SLC39A11: variants seen among roughly 807,000 people sequenced by gnomAD.
The protein encoded by SLC39A11 is solute carrier family 39 member 11.
Under a neutral mutation model 36.1 loss-of-function variants are expected in SLC39A11, and 33 were observed. That is an observed-to-expected ratio of 0.91 (90% confidence interval 0.69 to 1.22). The LOEUF (loss-of-function observed/expected upper bound fraction) is 1.22, where lower values mean the gene tolerates loss of function less well. Among genes scored for constraint, SLC39A11 ranks in the 50% most tolerant of loss-of-function variants. The probability of loss-of-function intolerance (pLI) is 0.00; values close to 1 mark genes in which losing one functional copy is unlikely to be tolerated. For missense variants in SLC39A11, 432 were observed against 430.3 expected, an observed-to-expected ratio of 1.00 and a Z score of -0.03; for synonymous variants, 166 against 170.3, an observed-to-expected ratio of 0.97 and a Z score of 0.20.
chr17:72,976,463 A>G (rs7210012), intron 4 of SLC39A11, among the ~76,000 whole-genome samples: 150,571 of 152,338 alleles, frequency 0.99, 74,438 homozygotes, highest in East Asian at 1. Context: ...TGATAACTGA[A>G]ATGTTAGAGA....
intron 5 of SLC39A11, among the ~76,000 whole-genome samples, chr17:72,910,926 C>CAA (rs199741291): frequency 8.6e-4 from 96 of 111,652 alleles, no homozygotes; most frequent in East Asian, 1.3e-3. Flanking sequence ...GACTCCACCT[C>CAA]AAAAAAAAAA....
intron 7 of SLC39A11, among the ~76,000 whole-genome samples, chr17:72,677,549 C>A (rs1483018703): frequency 6.6e-6 from 1 of 151,230 alleles, no homozygotes; most frequent in Non-Finnish European, 1.5e-5. Context: ...ACGCGGCCAT[C>A]TTTAAATGGC....
chr17:72,996,312 C>A (rs968494977), intron 4 of SLC39A11, among the ~76,000 whole-genome samples: 6 of 152,164 alleles, frequency 3.9e-5, no homozygotes, highest in African/African-American at 1.4e-4. Context: ...CCACGTTCTT[C>A]CCATGGCCTT....
intron 7 of SLC39A11, among the ~76,000 whole-genome samples, chr17:72,653,577 T>C (rs1394886891): frequency 6.6e-6 from 1 of 151,924 alleles, no homozygotes; most frequent in Non-Finnish European, 1.5e-5. Context: ...GTAGCTGGGA[T>C]TACAAGTGCC....
At chr17:72,842,078 A>ACGTGTGTG (rs111770368) in intron 6 of SLC39A11, among the ~76,000 whole-genome samples, 3 of 148,782 alleles carry the variant, frequency 2.0e-5, no homozygotes, top group Non-Finnish European at 3.0e-5. Flanking sequence ...TCAAAAAACT[A>ACGTGTGTG]TGTGTGTGTG....
intron 6 of SLC39A11, among the ~76,000 whole-genome samples, chr17:72,787,744 A>G (rs1028659252): frequency 6.6e-6 from 1 of 152,176 alleles, no homozygotes; most frequent in South Asian, 2.1e-4. Context: ...AAAATCTGAC[A>G]TTGTCTAGCT....
intron 5 of SLC39A11, among the ~76,000 whole-genome samples, chr17:72,919,730 G>C (rs1344822697): frequency 6.7e-6 from 1 of 150,276 alleles, no homozygotes; most frequent in Non-Finnish European, 1.5e-5. Flanking sequence ...AGAACCCTCT[G>C]CCTGTGATGA....
chr17:72,877,832 A>AT (rs2080991490), intron 5 of SLC39A11, among the ~76,000 whole-genome samples: 1 of 151,208 alleles, frequency 6.6e-6, no homozygotes, highest in Non-Finnish European at 1.5e-5. Flanking sequence ...TATTATTATT[A>AT]TTATACTTTA....
intron 5 of SLC39A11, among the ~76,000 whole-genome samples, chr17:72,853,913 G>A (rs1449780191): frequency 1.3e-5 from 2 of 152,140 alleles, no homozygotes; most frequent in Non-Finnish European, 2.9e-5. Context: ...TGTGGGATGT[G>A]AGGGTGTGCC....
chr17:72,745,631 T>C lies in SLC39A11; in HGVS notation c.602-8912A>G, dbSNP rs1377231666. 2.6e-5 allele frequency among the ~76,000 whole-genome samples: 4 copies of C among 152,230 alleles called. No individual in the cohort carries two copies. The East Asian group carries it at 7.7e-4, about 29-fold the overall frequency. On this transcript the variant is annotated intron_variant, in intron 6 of 9. Coordinates refer to ENST00000255559, the MANE Select transcript of SLC39A11 (RefSeq NM_139177.4). ...CGCCCTGTGCCTGTACCATTAATTC[T>C]TTGTCTCTTAGGGCATTATATGGAT...
At chr17:72,731,034 G>A (rs983875756) in intron 7 of SLC39A11, among the ~76,000 whole-genome samples, 34 of 152,152 alleles carry the variant, frequency 2.2e-4, no homozygotes, top group African/African-American at 8.2e-4. Context: ...GCAGGTGTGA[G>A]CCACTGTGCC....
At chr17:72,655,386 C>T (rs1317950177) in intron 7 of SLC39A11, among the ~76,000 whole-genome samples, 4 of 152,260 alleles carry the variant, frequency 2.6e-5, no homozygotes, top group Non-Finnish European at 1.5e-5. Context: ...TTTGAATCCA[C>T]GGCTCTCAGA....
At chr17:72,972,797 C>G (rs1010890805) in intron 4 of SLC39A11, among the ~76,000 whole-genome samples, 1 of 152,194 alleles carries the variant, frequency 6.6e-6, no homozygotes. Flanking sequence ...CCGTGGAAAT[C>G]ACTGTGGTCA....
intron 5 of SLC39A11, among the ~76,000 whole-genome samples, chr17:72,866,802 T>A (rs2080325522): frequency 6.6e-6 from 1 of 152,204 alleles, no homozygotes; most frequent in Admixed American, 6.5e-5. Context: ...AACCTACACA[T>A]TTAAATGCAA....
intron 6 of SLC39A11, among the ~76,000 whole-genome samples, chr17:72,805,344 C>T (rs1464615437): frequency 2.0e-5 from 3 of 152,128 alleles, no homozygotes; most frequent in African/African-American, 4.8e-5. Flanking sequence ...TGCCTACTCT[C>T]GACAACTGCC....
Position 72,712,138 on chromosome 17 carries a change from A to G in SLC39A11, c.671+24512T>C, listed in dbSNP as rs112170413. 9.5e-4 allele frequency among the ~76,000 whole-genome samples: 145 copies of G among 152,358 alleles called. 1 individual carries two copies. Among genetic ancestry groups the G allele is most frequent in the African/African-American group, 3.2e-3 (133 of 41,592 alleles). On this transcript the variant is annotated intron_variant, in intron 7 of 9. Coordinates refer to ENST00000255559, the MANE Select transcript of SLC39A11 (RefSeq NM_139177.4). ...CAGAAGACTCAAAGTTGTTGTCATT[A>G]AGCTGAGAGGGAGCAGATGGGCTGA...
intron 7 of SLC39A11, among the ~76,000 whole-genome samples, chr17:72,682,614 C>A (rs1352331384): frequency 6.6e-6 from 1 of 152,198 alleles, no homozygotes; most frequent in Non-Finnish European, 1.5e-5. Context: ...TGGTTTTGAA[C>A]TTCTTCCCAG....
At chr17:72,900,208 A>T (rs868433732) in intron 5 of SLC39A11, among the ~76,000 whole-genome samples, 1 of 136,866 alleles carries the variant, frequency 7.3e-6, no homozygotes, top group Admixed American at 7.2e-5. Context: ...AAAGAAAGAA[A>T]GAAAGAAAGA....
intron 4 of SLC39A11, among the ~76,000 whole-genome samples, chr17:73,002,850 T>G (rs2089898417): frequency 1.3e-5 from 2 of 152,212 alleles, no homozygotes; most frequent in South Asian, 4.1e-4. Flanking sequence ...CCTTGCCTCC[T>G]GTCAGGGCTT....
Sources: gnomAD v4.1 joint callset for allele counts (sites outside exome capture counted in the v4.1 genomes callset) on GRCh38, gnomAD v4.1.1 for gene constraint, MANE v1.5 for transcripts, NCBI Gene and HGNC (gene_info 2026-07-23, HGNC 2026-07-21) for gene names.